The following NADK variants were observed in gnomAD, a reference collection of about 807,000 sequenced individuals.
The protein encoded by NADK is poly(P)/ATP NAD kinase.
Under a neutral mutation model 49.8 loss-of-function variants are expected in NADK, and 22 were observed. The observed-to-expected ratio is 0.44, with a 90% CI of 0.32 to 0.63. The LOEUF is 0.63. Among genes scored for constraint, NADK ranks in the 30% least tolerant of loss-of-function variants. The pLI is 0.06. For missense variants in NADK, 438 were observed against 609.4 expected (o/e 0.72, Z 2.96); for synonymous variants, 268 against 253.7 (o/e 1.06, Z -0.54).
chr1:1,767,804 C>T (rs1005434432), intron 1 of NADK, among the ~76,000 whole-genome samples: 7 of 152,094 alleles, frequency 4.6e-5, no homozygotes, highest in Non-Finnish European at 8.8e-5. Context: ...GTGAGCCACT[C>T]CACCCAGCAA....
chr1:1,757,148 A>AG, intron 4 of NADK, 33 bp downstream of exon 4: 26 of 859,050 alleles, frequency 3.0e-5, no homozygotes, highest in Non-Finnish European at 4.0e-5. Flanking sequence ...CTCCATGTGC[A>AG]CCCCAGGCCC....
At chr1:1,777,405 T>C (rs1014997990) in intron 1 of NADK, among the ~76,000 whole-genome samples, 3 of 152,106 alleles carry the variant, frequency 2.0e-5, no homozygotes, top group African/African-American at 7.2e-5. Context: ...AAAAAAAACT[T>C]ATTAAGGCAA....
chr1:1,761,679 T>G, intron 3 of NADK: 1 of 354,584 alleles, frequency 2.8e-6, no homozygotes. Flanking sequence ...GCCGTCCACT[T>G]TCTCAAAGCC....
chr1:1,753,024 G>C lies in NADK; in HGVS notation c.1221C>G (p.Ser407=), dbSNP rs1388330518. 1 of 1,611,070 alleles carries C rather than the reference G, an allele frequency of 6.2e-7. No homozygotes were observed. Among genetic ancestry groups the C allele is most frequent in the East Asian group, 2.2e-5 (1 of 44,798 alleles). The change falls in exon 12 of 12, where the codon TCC becomes TCG. Residue 407 remains serine, a synonymous_variant. Transcript: ENST00000341426. ...CGCTCACGGGGTCCCGCACACAGAT[G>C]GAGGGGAGCGGGTAGCATGAGGTAG... ...SITTSCYPLP[S]ICVRDPVSDW...
At chr1:1,763,215 T>G (rs1310148340) in intron 2 of NADK, among the ~76,000 whole-genome samples, 4 of 152,236 alleles carry the variant, frequency 2.6e-5, no homozygotes, top group African/African-American at 7.2e-5. Flanking sequence ...CCGGGTGCAG[T>G]GACTCACGCC....
chr1:1,756,177 T>C (rs1382778457), intron 6 of NADK, 81 bp downstream of exon 6: 3 of 1,316,024 alleles, frequency 2.3e-6, no homozygotes, highest in Middle Eastern at 2.2e-4. Context: ...TGAAAAGCAA[T>C]GGAAGCCATG....
At chr1:1,777,362 A>G (rs12044597) in intron 1 of NADK, among the ~76,000 whole-genome samples, 60,316 of 151,968 alleles carry the variant, frequency 0.4, 14,445 homozygotes, top group Admixed American at 0.55. Context: ...TGTTAAAGTA[A>G]CTAGCTTCTT....
chr1:1,778,719 C>A (rs1291831316), upstream of NADK: 1 of 151,800 alleles, frequency 6.6e-6, no homozygotes. This position sits in a 1 kb window ranked among gnomAD's most constrained non-coding sequence, Gnocchi z 4.9. Flanking sequence ...CCGAGGAGGG[C>A]GGCCCCCGGC....
chr1:1,753,967 C>T, intron 10 of NADK, 84 bp downstream of exon 10: 2 of 1,479,662 alleles, frequency 1.4e-6, no homozygotes, highest in Non-Finnish European at 1.8e-6. Context: ...GCCAGCATGG[C>T]AGAGCGGGGT....
In NADK at chr1:1,755,413, A is replaced by G; in HGVS notation, c.649T>C (p.Phe217Leu). The change falls in exon 7 of 12, where the codon TTT becomes CTT. Residue 217 changes from phenylalanine (F) to leucine (L), a missense_variant. Coordinates refer to ENST00000341426, the MANE Select transcript of NADK (RefSeq NM_023018.5). Reference protein sequence around the residue: ...GSLGFLTPFSFENFQSQVTQV... With the variant: ...GSLGFLTPFSLENFQSQVTQV... ...GTAACTTGGGACTGAAAGTTCTCAA[A>G]GCTGAATGGGGTCAGGAAGCCCAGG... 3 of 1,614,124 alleles carry G rather than the reference A, an allele frequency of 1.9e-6. No homozygotes were observed. Among genetic ancestry groups the G allele is most frequent in the Non-Finnish European group, 2.5e-6 (3 of 1,180,010 alleles).
rs966933586 is a variant in NADK at position 1,771,641 on chromosome 1, T to C, written c.-40-6195A>G. Reference sequence around the variant, plus strand: ...CTGAGGTGATTCAACATGAGGAGGATCATCTTTTCACCTAATAGTTCTGAA... The same window carrying C: ...CTGAGGTGATTCAACATGAGGAGGACCATCTTTTCACCTAATAGTTCTGAA... On this transcript the variant is annotated intron_variant, in intron 1 of 11. Transcript: ENST00000341426. Among the ~76,000 whole-genome samples, 8 of 152,136 alleles carry C rather than the reference T, an allele frequency of 5.3e-5. No homozygotes were observed. In the South Asian group the frequency reaches 1.7e-3, roughly 32 times the overall value.
chr1:1,763,831 G>A (rs948926001), intron 2 of NADK, among the ~76,000 whole-genome samples: 2 of 151,996 alleles, frequency 1.3e-5, no homozygotes, highest in African/African-American at 4.8e-5. Flanking sequence ...CTATGGAGGC[G>A]ACCTCTGACC....
At chr1:1,756,109 G>A in intron 6 of NADK, 149 bp downstream of exon 6, 3 of 741,398 alleles carry the variant, frequency 4.0e-6, no homozygotes, top group Non-Finnish European at 2.3e-6. Context: ...ACCCCACCGG[G>A]CTGCCACCAT....
upstream of NADK, chr1:1,778,692 AGGCGGGGGTC>A (rs1646289317): frequency 6.6e-6 from 1 of 151,646 alleles, no homozygotes; most frequent in Non-Finnish European, 1.5e-5. The surrounding 1 kb of genome is among the most constrained non-coding windows in gnomAD (Gnocchi z 4.9). Context: ...CGACTCGGGT[AGGCGGGGGTC>A]GGCGCCCCGA....
chr1:1,758,721 C>T, intron 3 of NADK: 4 of 1,334,522 alleles, frequency 3.0e-6, no homozygotes, highest in Middle Eastern at 2.7e-4. Flanking sequence ...GTCCTCCTGC[C>T]TAATCCCTTC....
At chr1:1,777,122 C>T (rs1398440516) in intron 1 of NADK, among the ~76,000 whole-genome samples, 2 of 152,244 alleles carry the variant, frequency 1.3e-5, no homozygotes, top group East Asian at 3.9e-4. Flanking sequence ...CGAGAGGACA[C>T]CTCCAAATGA....
At chr1:1,764,957 C>T (rs558784471) in intron 2 of NADK, among the ~76,000 whole-genome samples, 2 of 152,200 alleles carry the variant, frequency 1.3e-5, no homozygotes, top group Admixed American at 6.5e-5. Context: ...TCAGCGTAGG[C>T]GCCAGTTAGA....
At chr1:1,759,071 C>G (rs983459818) in intron 3 of NADK, 1 of 1,503,572 alleles carries the variant, frequency 6.7e-7, no homozygotes, top group Admixed American at 2.2e-5. Context: ...ACGGCTCCCC[C>G]TGCTCTCCCC....
chr1:1,776,933 C>T (rs1244015190), intron 1 of NADK, among the ~76,000 whole-genome samples: 1 of 151,936 alleles, frequency 6.6e-6, no homozygotes, highest in Non-Finnish European at 1.5e-5. Context: ...TATAAATCAG[C>T]TAGGTGTGGT....
Sources: allele counts gnomAD v4.1 joint callset (sites outside exome capture counted in the v4.1 genomes callset), GRCh38; gene constraint gnomAD v4.1.1; non-coding constraint Gnocchi (gnomAD v3.1); transcripts MANE v1.5; gene names NCBI Gene and HGNC (gene_info 2026-07-23, HGNC 2026-07-21).